ARSK: variants seen among roughly 807,000 people sequenced by gnomAD.
ARSK encodes the protein arylsulfatase K.
ARSK carries 37 observed loss-of-function variants against 53.2 expected under a neutral mutation model. The ratio of observed to expected loss-of-function variants is 0.70; its 90% CI spans 0.54 to 0.92. ARSK has a LOEUF of 0.92. Among genes scored for constraint, ARSK ranks in the 40% least tolerant of loss-of-function variants. The pLI is 0.00. For missense variants in ARSK, 613 were observed against 643.0 expected (o/e 0.95, Z 0.51); for synonymous variants, 208 against 223.2 (o/e 0.93, Z 0.61).
At chr5:95,580,627 A>G (rs764153438) in intron 3 of ARSK, among the ~76,000 whole-genome samples, 7 of 152,212 alleles carry the variant, frequency 4.6e-5, no homozygotes, top group Non-Finnish European at 1.0e-4. Context: ...TAAGAATTGC[A>G]GCTCCTGTAG....
chr5:95,580,822 A>G, intron 3 of ARSK: 3 of 851,532 alleles, frequency 3.5e-6, no homozygotes, highest in Non-Finnish European at 5.0e-6. Flanking sequence ...CATCTACTGA[A>G]TACATCACTT....
chr5:95,581,805 C>G (rs1315097966), intron 3 of ARSK, among the ~76,000 whole-genome samples: 1 of 152,022 alleles, frequency 6.6e-6, no homozygotes, highest in African/African-American at 2.4e-5. Flanking sequence ...TACAAAACTT[C>G]CTATTTTAGG....
intron 4 of ARSK, among the ~76,000 whole-genome samples, chr5:95,585,536 G>A (rs1247101635): frequency 2.6e-5 from 4 of 152,256 alleles, no homozygotes; most frequent in East Asian, 1.9e-4. Flanking sequence ...ATTGGAGACC[G>A]TTATTCTAAA....
At chr5:95,576,816 C>A (rs1219483774) in intron 3 of ARSK, among the ~76,000 whole-genome samples, 1 of 152,132 alleles carries the variant, frequency 6.6e-6, no homozygotes, top group Non-Finnish European at 1.5e-5. Context: ...GGCTCAAGTT[C>A]CATCTCCCTT....
At chr5:95,564,992 A>G (rs1748703194) in intron 1 of ARSK, among the ~76,000 whole-genome samples, 1 of 152,136 alleles carries the variant, frequency 6.6e-6, no homozygotes, top group African/African-American at 2.4e-5. Context: ...CCAACAGCCT[A>G]CTTTATATCT....
intron 1 of ARSK, chr5:95,557,011 A>G (rs1580211567): frequency 2.0e-5 from 3 of 150,648 alleles, no homozygotes; most frequent in Non-Finnish European, 4.4e-5. Flanking sequence ...GTCCGTCTCG[A>G]AAAAAAAATA....
At chr5:95,588,448 G>A (rs1749159160) in intron 5 of ARSK, among the ~76,000 whole-genome samples, 1 of 151,806 alleles carries the variant, frequency 6.6e-6, no homozygotes, top group African/African-American at 2.4e-5. Flanking sequence ...TGTTGGTCAG[G>A]CTGGTCTCAA....
At chr5:95,575,465 A>T in intron 3 of ARSK, among the ~76,000 whole-genome samples, 1 of 152,224 alleles carries the variant, frequency 6.6e-6, no homozygotes, top group Non-Finnish European at 1.5e-5. Flanking sequence ...TGCTTTCAGT[A>T]GTATGGACAT....
chr5:95,594,783 T>C (rs1015658355), intron 6 of ARSK, among the ~76,000 whole-genome samples: 4 of 150,948 alleles, frequency 2.6e-5, no homozygotes, highest in African/African-American at 9.8e-5. Context: ...GAGCTTGCAA[T>C]GAGCCAAGAT....
In ARSK at chr5:95,603,275, G is replaced by A. The variant is rs1749437160; in HGVS notation, c.1360G>A (p.Val454Ile). 6.3e-7 allele frequency: 1 copy of A among 1,588,520 alleles called. No homozygotes were observed. The highest frequency in any genetic ancestry group is 8.6e-7 in the Non-Finnish European group (1 of 1,168,772). The change falls in exon 8 of 8, where the codon GTA (valine) becomes ATA (isoleucine). Residue 454 changes from valine (V) to isoleucine (I), a missense_variant. Transcript: ENST00000380009. The part of the protein sequence containing the change: ...SDPDELTNVA[V>I]KFPEITYSLD... ...TCCAGATGAATTAACAAATGTTGCT[G>A]TAAAATTTCCAGAAATTACTTATTC...
intron 6 of ARSK, among the ~76,000 whole-genome samples, chr5:95,594,843 C>CA (rs57534709): frequency 5.3e-4 from 75 of 142,010 alleles, no homozygotes; most frequent in Middle Eastern, 7.2e-3. Flanking sequence ...ACGTCTCAAA[C>CA]AAAAAAAAAA....
intron 7 of ARSK, among the ~76,000 whole-genome samples, chr5:95,602,802 G>T (rs1749425310): frequency 6.6e-6 from 1 of 152,072 alleles, no homozygotes; most frequent in Admixed American, 6.6e-5. Context: ...AGAAAACTAG[G>T]ACTAAGTAAA....
chr5:95,602,242 T>C (rs1029565734), intron 7 of ARSK, among the ~76,000 whole-genome samples: 5 of 152,200 alleles, frequency 3.3e-5, no homozygotes, highest in African/African-American at 1.2e-4. Flanking sequence ...AGAATGCCTT[T>C]TCTAAATCTT....
chr5:95,560,621 G>A (rs1748612961), intron 1 of ARSK, among the ~76,000 whole-genome samples: 1 of 151,366 alleles, frequency 6.6e-6, no homozygotes, highest in South Asian at 2.1e-4. Context: ...AACAAATGGT[G>A]CTGGAAAAAA....
chr5:95,597,194 T>G (rs1177724620), intron 6 of ARSK, among the ~76,000 whole-genome samples: 1 of 152,226 alleles, frequency 6.6e-6, no homozygotes, highest in African/African-American at 2.4e-5. Flanking sequence ...TATTTTCATG[T>G]GAATTGTTTT....
chr5:95,570,547 G>C (rs1404563738), intron 3 of ARSK, among the ~76,000 whole-genome samples: 1 of 152,104 alleles, frequency 6.6e-6, no homozygotes, highest in Non-Finnish European at 1.5e-5. Flanking sequence ...AAGAATTCTT[G>C]GGCAAGTTAC....
intron 6 of ARSK, among the ~76,000 whole-genome samples, chr5:95,594,983 T>C (rs1275500404): frequency 6.6e-6 from 1 of 152,258 alleles, no homozygotes; most frequent in Non-Finnish European, 1.5e-5. Flanking sequence ...CTAGAAATCC[T>C]AATTTTAGGA....
chr5:95,555,284 A>G lies in ARSK; in HGVS notation c.6A>G (p.Leu2=), dbSNP rs150467708. 3 of 1,598,534 alleles carry G rather than the reference A, an allele frequency of 1.9e-6. No individual in the cohort carries two copies. Among genetic ancestry groups the G allele is most frequent in the Non-Finnish European group, 2.5e-6 (3 of 1,177,870 alleles). ...TCTCAGAACCGCTACCGGCGATGCT[A>G]CTGCTGTGGGTGTCGGTGGTCGCAG... is the stretch of plus-strand genomic sequence containing the variant. M[L]LLWVSVVAAL... is the part of the protein sequence containing the mutation. Residue 2 remains leucine, a synonymous_variant, in exon 1 of 8, where the codon CTA becomes CTG. Transcript: ENST00000380009. The surrounding 1 kb of genome is among the most constrained non-coding windows in gnomAD (Gnocchi z 4.0).
intron 6 of ARSK, among the ~76,000 whole-genome samples, chr5:95,595,610 T>C (rs1749294445): frequency 7.0e-6 from 1 of 143,032 alleles, no homozygotes; most frequent in South Asian, 2.3e-4. Flanking sequence ...AAGTGAGAAC[T>C]AAACATTGGT....
Sources: allele counts gnomAD v4.1 joint callset (sites outside exome capture counted in the v4.1 genomes callset), GRCh38; gene constraint gnomAD v4.1.1; non-coding constraint Gnocchi (gnomAD v3.1); transcripts MANE v1.5; gene names NCBI Gene and HGNC (gene_info 2026-07-23, HGNC 2026-07-21).